Variants in UBR3 observed in about 807,000 individuals in gnomAD.
UBR3 encodes ubiquitin protein ligase E3 component n-recognin 3.
In UBR3, 85 loss-of-function variants were observed where a neutral mutation model predicts 243.2. The observed-to-expected ratio is 0.35, with a 90% CI of 0.29 to 0.42. The LOEUF (loss-of-function observed/expected upper bound fraction) is 0.42. UBR3 is among the 10% of genes least tolerant of loss of function. UBR3 has a pLI of 1.00. For synonymous variants in UBR3, 748 were observed against 799.8 expected, an observed-to-expected ratio of 0.94 and a Z score of 1.09; for missense variants, 1,686 against 2,300.8, an observed-to-expected ratio of 0.73 and a Z score of 5.47.
chr2:170,058,462 T>C (rs75618877), intron 33 of UBR3, among the ~76,000 whole-genome samples: 8,892 of 151,846 alleles, frequency 0.059, 315 homozygotes, highest in Non-Finnish European at 0.086. Context: ...TCTTTTCTTT[T>C]TTCTTTTTCT....
chr2:170,075,498 T>TA (rs1559239366), intron 36 of UBR3, among the ~76,000 whole-genome samples: 1 of 152,048 alleles, frequency 6.6e-6, no homozygotes, highest in Non-Finnish European at 1.5e-5. Flanking sequence ...ATAAGAATTT[T>TA]TCATTTTAAA....
At chr2:169,972,636 G>A (rs1049088980) in intron 24 of UBR3, among the ~76,000 whole-genome samples, 1 of 152,198 alleles carries the variant, frequency 6.6e-6, no homozygotes, top group African/African-American at 2.4e-5. Context: ...ATGTAATCCA[G>A]CGTATAAGCA....
intron 1 of UBR3, among the ~76,000 whole-genome samples, chr2:169,834,114 G>A (rs530363049): frequency 6.6e-5 from 10 of 152,194 alleles, no homozygotes; most frequent in Non-Finnish European, 1.2e-4. Context: ...AGGTTTTTAG[G>A]TTTTCTGATC....
intron 36 of UBR3, among the ~76,000 whole-genome samples, chr2:170,075,065 CAG>C (rs898291010): frequency 5.9e-5 from 9 of 152,044 alleles, no homozygotes; most frequent in Non-Finnish European, 1.0e-4. Context: ...ATGAATGTGT[CAG>C]ACTAGGTTTC....
chr2:169,989,841 C>A (rs945304226), intron 25 of UBR3, among the ~76,000 whole-genome samples: 1 of 152,116 alleles, frequency 6.6e-6, no homozygotes, highest in African/African-American at 2.4e-5. Context: ...TGTTGATGCT[C>A]GTGTTCTTCC....
At position 169,992,169 on chromosome 2, in the gene UBR3, G is replaced by T. The variant is rs376000143; in HGVS notation, c.3785-2154G>T. Among the ~76,000 whole-genome samples, 35 of 152,282 alleles carry T rather than the reference G, an allele frequency of 2.3e-4. No individual in the cohort carries two copies. In the South Asian group the frequency reaches 7.3e-3, roughly 32 times the overall value. ...AAAAATTAGATGACGTGGATTAAATGAATGATTTCCTACAAATATACAAAC... is the reference window on the plus strand; with the variant it reads ...AAAAATTAGATGACGTGGATTAAATTAATGATTTCCTACAAATATACAAAC... On this transcript the variant is annotated intron_variant, in intron 25 of 38. Transcript: ENST00000272793.
intron 1 of UBR3, among the ~76,000 whole-genome samples, chr2:169,836,043 CTATATATATA>C (rs1236888848): frequency 1.2e-4 from 1 of 8,052 alleles, no homozygotes; most frequent in Non-Finnish European, 2.1e-4. Context: ...CTCTCTCTCT[CTATATATATA>C]TATATATATA....
chr2:170,060,668 T>A (rs1559226694), intron 33 of UBR3, among the ~76,000 whole-genome samples: 1 of 152,192 alleles, frequency 6.6e-6, no homozygotes, highest in Non-Finnish European at 1.5e-5. Flanking sequence ...TTCCATTTTT[T>A]AGGTAACTCC....
At chr2:169,882,657 C>G (rs1304323169) in intron 5 of UBR3, among the ~76,000 whole-genome samples, 2 of 151,572 alleles carry the variant, frequency 1.3e-5, no homozygotes, top group African/African-American at 4.8e-5. Flanking sequence ...AGGAGAACCC[C>G]TTGAACCTGG....
At chr2:169,908,132 G>A (rs1434144686) in intron 10 of UBR3, among the ~76,000 whole-genome samples, 1 of 152,150 alleles carries the variant, frequency 6.6e-6, no homozygotes, top group African/African-American at 2.4e-5. Flanking sequence ...TTTTGTTCAA[G>A]CTGGTCTCTT....
At chr2:169,894,526 A>G (rs954090303) in intron 6 of UBR3, among the ~76,000 whole-genome samples, 1 of 152,094 alleles carries the variant, frequency 6.6e-6, no homozygotes, top group African/African-American at 2.4e-5. Flanking sequence ...TATTAATGAA[A>G]AAACTGCGTT....
At chr2:169,989,707 C>CT (rs1247433110) in intron 25 of UBR3, among the ~76,000 whole-genome samples, 3 of 152,218 alleles carry the variant, frequency 2.0e-5, no homozygotes, top group Admixed American at 2.0e-4. Flanking sequence ...TTTACAGGTG[C>CT]TCAAAATATT....
rs563552477 is a variant in UBR3 at position 169,984,208 on chromosome 2, T to C, written c.3635-2437T>C. On this transcript the variant is annotated intron_variant, in intron 24 of 38. Transcript: ENST00000272793. ...TTATTATAATACTTGTTACAGAATA[T>C]ACCAAGTTACTCATTTAGAGTAGGG... 6.4e-4 allele frequency among the ~76,000 whole-genome samples: 98 copies of C among 152,324 alleles called. 2 individuals carry two copies. The South Asian group carries it at 0.02, about 31-fold the overall frequency.
intron 19 of UBR3, among the ~76,000 whole-genome samples, chr2:169,941,549 A>G (rs2086587826): frequency 6.6e-6 from 1 of 152,224 alleles, no homozygotes; most frequent in South Asian, 2.1e-4. Flanking sequence ...GGACTACTAT[A>G]CATAAGGTAT....
chr2:169,856,030 C>A (rs1420012726), intron 1 of UBR3, among the ~76,000 whole-genome samples: 1 of 151,766 alleles, frequency 6.6e-6, no homozygotes, highest in East Asian at 1.9e-4. Flanking sequence ...TCCTCACCTG[C>A]CAGACGGGGC....
chr2:169,827,564 G>C lies in UBR3; in HGVS notation c.57G>C (p.Leu19=). ...GCCAGCAGCCGTCACAGCCCGAGCTGCCCGCGCCGGGGCTGGCCCTAGACA... is the reference window on the plus strand; with the variant it reads ...GCCAGCAGCCGTCACAGCCCGAGCTCCCCGCGCCGGGGCTGGCCCTAGACA... ...VGGQQPSQPE[L]PAPGLALDKA... Residue 19 remains leucine (L), a synonymous_variant, in exon 1 of 39, where the codon CTG becomes CTC. Transcript: ENST00000272793. 1 of 1,235,666 alleles carries C rather than the reference G, an allele frequency of 8.1e-7. No individual in the cohort carries two copies. The allele number at this position is 1,235,666 out of a possible 1,614,324, so 76.5% of individuals were successfully genotyped here.
At chr2:169,952,346 A>AT (rs943240506) in intron 23 of UBR3, among the ~76,000 whole-genome samples, 26 of 152,284 alleles carry the variant, frequency 1.7e-4, no homozygotes, top group Admixed American at 2.6e-4. Flanking sequence ...AAGATTGGCC[A>AT]TCCTATTTGA....
intron 24 of UBR3, among the ~76,000 whole-genome samples, chr2:169,983,766 C>A (rs1350218538): frequency 6.6e-6 from 1 of 152,174 alleles, no homozygotes; most frequent in Admixed American, 6.5e-5. Context: ...CAGATAGATT[C>A]TTTTCTGTTC....
chr2:169,834,198 C>CAA (rs1242926987), intron 1 of UBR3, among the ~76,000 whole-genome samples: 1 of 152,118 alleles, frequency 6.6e-6, no homozygotes, highest in Non-Finnish European at 1.5e-5. Context: ...TTGCTTTTTT[C>CAA]CCCTTAACAT....
Sources: allele counts gnomAD v4.1 joint callset (sites outside exome capture counted in the v4.1 genomes callset), GRCh38; gene constraint gnomAD v4.1.1; transcripts MANE v1.5; gene names NCBI Gene and HGNC (gene_info 2026-07-23, HGNC 2026-07-21).